Variants in IPO8 observed in about 807,000 individuals in gnomAD.
IPO8 encodes importin 8.
IPO8 carries 65 observed loss-of-function variants against 141.2 expected under a neutral mutation model. That is an observed-to-expected ratio of 0.46 (90% CI 0.38 to 0.57). The LOEUF is 0.57. Among genes scored for constraint, IPO8 ranks in the 20% least tolerant of loss-of-function variants. The pLI is 0.00. For synonymous variants in IPO8, 411 were observed against 420.3 expected (o/e 0.98, Z 0.27); for missense variants, 980 against 1,246.8 (o/e 0.79, Z 3.22).
chr12:30,635,951 G>A (rs1353337162), intron 22 of IPO8, among the ~76,000 whole-genome samples: 1 of 151,966 alleles, frequency 6.6e-6, no homozygotes, highest in Non-Finnish European at 1.5e-5. Context: ...CAAGAAATTA[G>A]AGATCATAAC....
rs1298235966 is a variant in IPO8 at position 30,662,466 on chromosome 12, T to C, written c.1616A>G (p.His539Arg). 1.2e-6 allele frequency: 2 copies of C among 1,611,746 alleles called. No individual in the cohort carries two copies. The highest frequency in any genetic ancestry group is 1.7e-4 in the Middle Eastern group (1 of 6,058). ...CAGTTCCTGCATAATAGGCCTCACA[T>C]GTGGCTTCATATATTCCTTAGCTAA... ...QIQAKEYMKP[H>R]VRPIMQELLH... Residue 539 changes from histidine (H) to arginine (R), a missense_variant, in exon 15 of 25, where the codon CAT becomes CGT. By Grantham distance (29) the His-to-Arg change is conservative. This residue lies in a region of IPO8 where 924 missense variants were observed against 1,153.9 expected (regional missense o/e 0.80). Coordinates refer to ENST00000256079, the MANE Select transcript of IPO8 (RefSeq NM_006390.4).
At chr12:30,681,634 C>A in intron 4 of IPO8, 25 bp downstream of exon 4, 1 of 1,598,638 alleles carries the variant, frequency 6.3e-7, no homozygotes. Context: ...AGGCTGCTTT[C>A]TTCAGCCAAT....
intron 9 of IPO8, among the ~76,000 whole-genome samples, chr12:30,670,407 C>G (rs1383134108): frequency 6.6e-6 from 1 of 152,050 alleles, no homozygotes; most frequent in Non-Finnish European, 1.5e-5. Context: ...TATTAGTGGC[C>G]TATAATTTTC....
At chr12:30,647,071 G>A (rs1049027353) in intron 20 of IPO8, among the ~76,000 whole-genome samples, 1 of 152,028 alleles carries the variant, frequency 6.6e-6, no homozygotes, top group African/African-American at 2.4e-5. Flanking sequence ...TTACTACAAA[G>A]CTAAAGTAAT....
intron 1 of IPO8, among the ~76,000 whole-genome samples, chr12:30,690,791 A>G (rs1459788003): frequency 6.6e-6 from 1 of 152,220 alleles, no homozygotes; most frequent in African/African-American, 2.4e-5. Flanking sequence ...GAACATTTTT[A>G]TGATTTTTTT....
rs1218103975 is a variant in IPO8 at position 30,695,651 on chromosome 12, C to A, written c.-4G>T. The A allele has an allele frequency of 6.2e-7, 1 of 1,613,312 alleles. No homozygotes were observed. Among genetic ancestry groups the A allele is most frequent in the Non-Finnish European group, 8.5e-7 (1 of 1,179,354 alleles). On this transcript the variant is annotated 5_prime_UTR_variant, in exon 1 of 25. Transcript: ENST00000256079. The surrounding 1 kb of genome is among the most constrained non-coding windows in gnomAD (Gnocchi z 4.2). ...GGATGATCCGGTTGAGGTCCATCTC[C>A]CCGGGTGGGGGCTCCGCGGCCCCCG...
In IPO8 at chr12:30,673,983, T is replaced by A. The variant is rs1219105121; in HGVS notation, c.909+7A>T. ...ATTATTCTATTTTAAAAGCATAAGT[T>A]TATTACCTGCTGAATGCCCACTGCA... On this transcript the variant is annotated splice_region_variant and intron_variant, in intron 8 of 24. Transcript: ENST00000256079. 1 of 1,542,456 alleles carries A rather than the reference T, an allele frequency of 6.5e-7. No individual in the cohort carries two copies. Among genetic ancestry groups the A allele is most frequent in the Non-Finnish European group, 8.9e-7 (1 of 1,124,210 alleles).
In IPO8 at chr12:30,666,801, T is replaced by G. The variant is rs1012296448; in HGVS notation, c.1145-550A>C. On this transcript the variant is annotated intron_variant, in intron 10 of 24. Transcript: ENST00000256079. The stretch of plus-strand genomic sequence containing the variant: ...CCTCTCCAACTCTGTTAAGGTAACA[T>G]TTAAGCAGAAATTGAATGAAATGAG... 3.9e-5 allele frequency among the ~76,000 whole-genome samples: 6 copies of G among 152,172 alleles called. No homozygotes were observed. In the East Asian group the frequency reaches 1.2e-3, roughly 29 times the overall value.
At chr12:30,636,186 C>A (rs1018152640) in intron 22 of IPO8, among the ~76,000 whole-genome samples, 5 of 151,946 alleles carry the variant, frequency 3.3e-5, no homozygotes, top group South Asian at 2.1e-4. Context: ...TGGGATGATG[C>A]CAGTTAAAAG....
At chr12:30,667,672 G>C (rs1387831641) in intron 10 of IPO8, among the ~76,000 whole-genome samples, 1 of 152,202 alleles carries the variant, frequency 6.6e-6, no homozygotes, top group Non-Finnish European at 1.5e-5. Context: ...ACTTCAGCTA[G>C]TCAGTCTTGA....
chr12:30,644,468 G>C (rs957213582), intron 20 of IPO8, among the ~76,000 whole-genome samples: 5 of 151,566 alleles, frequency 3.3e-5, no homozygotes, highest in Non-Finnish European at 5.9e-5. Context: ...ATAAAGCTTG[G>C]GGGTAGGCAG....
chr12:30,662,186 T>C lies in IPO8; in HGVS notation c.1755+141A>G. 9.5e-6 allele frequency: 6 copies of C among 633,624 alleles called. No individual in the cohort carries two copies. In the South Asian group the frequency reaches 9.9e-5, roughly 10 times the overall value. The allele number at this position is 633,624 out of a possible 1,614,324, so 39.3% of individuals were successfully genotyped here. On this transcript the variant is annotated intron_variant, in intron 15 of 24. Coordinates refer to ENST00000256079, the MANE Select transcript of IPO8 (RefSeq NM_006390.4). ...GTATTATAATCTTAGGAGTGCACCATCGTATATGCAATCTGTCATTGACTG... is the reference window on the plus strand; with the variant it reads ...GTATTATAATCTTAGGAGTGCACCACCGTATATGCAATCTGTCATTGACTG...
chr12:30,643,717 A>G (rs1390021586), intron 20 of IPO8, among the ~76,000 whole-genome samples: 1 of 152,242 alleles, frequency 6.6e-6, no homozygotes, highest in Non-Finnish European at 1.5e-5. Flanking sequence ...GTTATAAAGC[A>G]AGGACACCCC....
chr12:30,676,595 AGAG>A lies in IPO8; in HGVS notation c.640-11_640-9del. On this transcript the variant is annotated splice_polypyrimidine_tract_variant and intron_variant, in intron 5 of 24. Coordinates refer to ENST00000256079, the MANE Select transcript of IPO8 (RefSeq NM_006390.4). ...CTGAAGAGGCAATGCATACTGGAAA[AGAG>A]AAGAACAACATGAACAGTAATTCCT... 1 of 1,590,558 alleles carries A rather than the reference AGAG, an allele frequency of 6.3e-7. No individual in the cohort carries two copies. Among genetic ancestry groups the A allele is most frequent in the Non-Finnish European group, 8.6e-7 (1 of 1,158,652 alleles).
At chr12:30,634,456 AT>A (rs1201883667) in intron 22 of IPO8, among the ~76,000 whole-genome samples, 170 bp from the exon 23 acceptor site, 2 of 152,168 alleles carry the variant, frequency 1.3e-5, no homozygotes, top group Non-Finnish European at 2.9e-5. Context: ...GAGTCAAAAA[AT>A]AAAAATAAAA....
intron 6 of IPO8, among the ~76,000 whole-genome samples, chr12:30,675,977 A>G (rs1023080712): frequency 6.6e-6 from 1 of 152,152 alleles, no homozygotes. Flanking sequence ...TTTTTGAGAT[A>G]GGGTCTTGCT....
chr12:30,663,408 A>G, intron 14 of IPO8, 81 bp downstream of exon 14: 1 of 1,206,694 alleles, frequency 8.3e-7, no homozygotes, highest in Non-Finnish European at 1.2e-6. Context: ...CTGAACCCTC[A>G]GACATGGAGA....
chr12:30,645,640 G>T (rs2052635188), intron 20 of IPO8, among the ~76,000 whole-genome samples: 1 of 151,864 alleles, frequency 6.6e-6, no homozygotes, highest in Admixed American at 6.6e-5. Flanking sequence ...AAAAAAGAGA[G>T]AAGACTCTAA....
intron 16 of IPO8, among the ~76,000 whole-genome samples, 164 bp downstream of exon 16, chr12:30,660,973 TACTC>T (rs1299852607): frequency 2.0e-4 from 19 of 95,556 alleles, no homozygotes; most frequent in Non-Finnish European, 3.8e-4. Flanking sequence ...ATTATAATGT[TACTC>T]AGTCATTTTA....
Sources: gnomAD v4.1 joint callset for allele counts (sites outside exome capture counted in the v4.1 genomes callset) on GRCh38, gnomAD v4.1.1 for gene constraint, gnomAD v4.1.1 regional missense constraint, Gnocchi (gnomAD v3.1) non-coding constraint, MANE v1.5 for transcripts, NCBI Gene and HGNC (gene_info 2026-07-23, HGNC 2026-07-21) for gene names.